Variants in KCND3 observed in about 807,000 individuals in gnomAD.
KCND3 encodes the protein A-type voltage-gated potassium channel KCND3.
Under a neutral mutation model 51.1 loss-of-function variants are expected in KCND3, and 9 were observed. That is an observed-to-expected ratio of 0.18 (90% confidence interval 0.11 to 0.31). The LOEUF (loss-of-function observed/expected upper bound fraction) is 0.31. Among genes scored for constraint, KCND3 ranks in the 10% least tolerant of loss-of-function variants. The pLI, the probability that KCND3 is intolerant of heterozygous loss-of-function variation, is 1.00. For synonymous variants in KCND3, 349 were observed against 368.0 expected (o/e 0.95, Z 0.59); for missense variants, 526 against 903.8 (o/e 0.58, Z 5.36).
intron 2 of KCND3, among the ~76,000 whole-genome samples, chr1:111,890,804 A>G (rs1361533042): frequency 1.3e-5 from 2 of 152,170 alleles, no homozygotes; most frequent in Non-Finnish European, 2.9e-5. Context: ...TGGAGAAAAA[A>G]TCAGAGTGTG....
intron 2 of KCND3, among the ~76,000 whole-genome samples, chr1:111,925,716 T>C (rs1190140543): frequency 1.3e-5 from 2 of 152,138 alleles, no homozygotes; most frequent in East Asian, 1.9e-4. Flanking sequence ...AAGTCCAGTG[T>C]TTGTGACAAG....
In KCND3 at chr1:111,982,109, C is replaced by T. The variant is rs200611538; in HGVS notation, c.618G>A (p.Pro206=). ...CCTTGCTGCCCGGGACCGTGCCGCA[C>T]GGCACCGTCTCCACCACGTTGGTGA... is the stretch of plus-strand genomic sequence containing the variant. The part of the protein sequence containing the change: ...SVITNVVETV[P]CGTVPGSKEL... Residue 206 remains proline, a synonymous_variant, in exon 2 of 8, where the codon CCG becomes CCA. Coordinates refer to ENST00000302127, the MANE Select transcript of KCND3 (RefSeq NM_001378969.1). This position sits in a 1 kb window ranked among gnomAD's most constrained non-coding sequence, Gnocchi z 8.5. 2.9e-5 allele frequency: 46 copies of T among 1,613,768 alleles called. No homozygotes were observed. The highest frequency in any genetic ancestry group is 3.3e-5 in the Admixed American group (2 of 60,010).
At chr1:111,894,792 C>T (rs1435297156) in intron 2 of KCND3, among the ~76,000 whole-genome samples, 1 of 152,162 alleles carries the variant, frequency 6.6e-6, no homozygotes, top group Non-Finnish European at 1.5e-5. Context: ...AGGCCTCTGC[C>T]CTGTGCCTGC....
chr1:111,840,086 T>C (rs12735578), intron 2 of KCND3, among the ~76,000 whole-genome samples: 1,766 of 152,284 alleles, frequency 0.012, 19 homozygotes, highest in African/African-American at 0.026. Context: ...CCTTGCTGCA[T>C]CCTCACATGG....
At chr1:111,879,120 C>G (rs1348858961) in intron 2 of KCND3, among the ~76,000 whole-genome samples, 1 of 152,192 alleles carries the variant, frequency 6.6e-6, no homozygotes, top group African/African-American at 2.4e-5. Flanking sequence ...ACTGGAACTA[C>G]ACACCAACTC....
intron 2 of KCND3, among the ~76,000 whole-genome samples, chr1:111,940,862 C>A (rs1672482401): frequency 1.3e-5 from 2 of 152,178 alleles, no homozygotes; most frequent in South Asian, 4.2e-4. Context: ...ACCCCACATA[C>A]ACACCCTGGT....
At chr1:111,899,110 G>A (rs1280997022) in intron 2 of KCND3, among the ~76,000 whole-genome samples, 3 of 152,188 alleles carry the variant, frequency 2.0e-5, no homozygotes, top group Admixed American at 2.0e-4. Flanking sequence ...TCTTGCTGAA[G>A]ATCTGCTCAC....
chr1:111,906,685 G>C (rs562352394), intron 2 of KCND3, among the ~76,000 whole-genome samples: 1 of 151,994 alleles, frequency 6.6e-6, no homozygotes, highest in East Asian at 1.9e-4. Flanking sequence ...ATATCCCCTC[G>C]ATCCCAACTT....
chr1:111,949,357 C>T (rs577617106), intron 2 of KCND3, among the ~76,000 whole-genome samples: 2 of 152,154 alleles, frequency 1.3e-5, no homozygotes, highest in Admixed American at 6.5e-5. Context: ...TCTAAAACCC[C>T]GCGGAGGTGC....
intron 2 of KCND3, among the ~76,000 whole-genome samples, chr1:111,919,736 C>T (rs1671392260): frequency 6.6e-6 from 1 of 152,146 alleles, no homozygotes; most frequent in African/African-American, 2.4e-5. Context: ...TCAGTCAAAC[C>T]CGTGCTGGAG....
At chr1:111,829,237 G>C (rs1387591981) in intron 2 of KCND3, among the ~76,000 whole-genome samples, 3 of 152,226 alleles carry the variant, frequency 2.0e-5, no homozygotes, top group Admixed American at 6.5e-5. Context: ...TAAAATGAAA[G>C]GGGATGCTAG....
intron 2 of KCND3, among the ~76,000 whole-genome samples, chr1:111,869,205 C>T (rs919654658): frequency 6.6e-6 from 1 of 152,106 alleles, no homozygotes; most frequent in East Asian, 1.9e-4. Context: ...AAAAAGTTTG[C>T]TTTATCGATT....
chr1:111,825,873 C>T (rs1019792038), intron 2 of KCND3, among the ~76,000 whole-genome samples: 2 of 152,194 alleles, frequency 1.3e-5, no homozygotes, highest in Non-Finnish European at 2.9e-5. Flanking sequence ...TAAAGTAGCA[C>T]TATTTCCTCG....
chr1:111,889,995 G>C (rs1669755978), intron 2 of KCND3, among the ~76,000 whole-genome samples: 2 of 152,140 alleles, frequency 1.3e-5, no homozygotes, highest in Admixed American at 1.3e-4. Flanking sequence ...AAACAGAATG[G>C]CTGGTCGGGA....
rs368679186 is a variant in KCND3 at position 111,812,381 on chromosome 1, T to C, written c.1107-25275A>G. On this transcript the variant is annotated intron_variant, in intron 2 of 7. Transcript: ENST00000302127. ...CCTGGGCACCCAATGCTACCAAACA[T>C]AGAGCAGTGGTAGGGCTTAAGGCTG... Among the ~76,000 whole-genome samples the C allele has an allele frequency of 8.4e-4, 128 of 152,148 alleles. No homozygotes were observed. The South Asian group carries it at 0.026, about 31-fold the overall frequency.
At chr1:111,936,490 G>T (rs948360800) in intron 2 of KCND3, among the ~76,000 whole-genome samples, 2 of 152,222 alleles carry the variant, frequency 1.3e-5, no homozygotes, top group South Asian at 4.1e-4. Flanking sequence ...TCTAGGTAGA[G>T]GGAACAGTAA....
intron 2 of KCND3, among the ~76,000 whole-genome samples, chr1:111,827,096 G>T (rs1405024631): frequency 2.0e-5 from 3 of 152,234 alleles, no homozygotes; most frequent in African/African-American, 7.2e-5. Flanking sequence ...TTTGGGATTA[G>T]GAATACTTAG....
intron 2 of KCND3, among the ~76,000 whole-genome samples, chr1:111,796,153 C>T (rs996514377): frequency 2.0e-5 from 3 of 152,108 alleles, no homozygotes; most frequent in African/African-American, 4.8e-5. Context: ...TTCACTCTGT[C>T]GGCAGTTTCT....
chr1:111,875,095 G>A (rs1013584716), intron 2 of KCND3, among the ~76,000 whole-genome samples: 10 of 152,202 alleles, frequency 6.6e-5, no homozygotes, highest in Non-Finnish European at 1.3e-4. Context: ...GGGACCTGGG[G>A]CTGGACACTT....
Sources: allele counts gnomAD v4.1 joint callset (sites outside exome capture counted in the v4.1 genomes callset), GRCh38; gene constraint gnomAD v4.1.1; non-coding constraint Gnocchi (gnomAD v3.1); transcripts MANE v1.5; gene names NCBI Gene and HGNC (gene_info 2026-07-23, HGNC 2026-07-21).